SGCZ: variants seen among roughly 807,000 people sequenced by gnomAD.
SGCZ encodes the protein zeta-sarcoglycan.
A neutral mutation model predicts 41.3 loss-of-function variants in SGCZ; 40 were observed. The observed-to-expected ratio is 0.97, with a 90% confidence interval of 0.75 to 1.26. The LOEUF is 1.26. SGCZ is among the 50% of genes most tolerant of loss of function. The probability of loss-of-function intolerance (pLI) is 0.00; values close to 1 mark genes in which losing one functional copy is unlikely to be tolerated. For missense variants in SGCZ, 552 were observed against 369.8 expected (o/e 1.49, Z -4.04); for synonymous variants, 206 against 137.5 (o/e 1.50, Z -3.49).
At chr8:14,885,703 T>A (rs150293024) in intron 1 of SGCZ, among the ~76,000 whole-genome samples, 5 of 151,976 alleles carry the variant, frequency 3.3e-5, no homozygotes, top group African/African-American at 4.8e-5. Context: ...AGGACTCAAG[T>A]GATGCATGAT....
intron 2 of SGCZ, among the ~76,000 whole-genome samples, chr8:14,551,773 C>G (rs999912586): frequency 7.6e-6 from 1 of 132,202 alleles, no homozygotes; most frequent in South Asian, 2.1e-4. Context: ...AACTGGGTAT[C>G]TCAATAAGTA....
chr8:14,355,574 A>G (rs1348979569), intron 2 of SGCZ, among the ~76,000 whole-genome samples: 1 of 152,010 alleles, frequency 6.6e-6, no homozygotes, highest in African/African-American at 2.4e-5. Flanking sequence ...GTATATGCTC[A>G]TTCTGCTTGA....
chr8:15,198,165 T>C (rs1478991878), intron 1 of SGCZ, among the ~76,000 whole-genome samples: 1 of 151,392 alleles, frequency 6.6e-6, no homozygotes, highest in East Asian at 1.9e-4. Flanking sequence ...CTATAAACAT[T>C]TTAACATTGT....
intron 1 of SGCZ, among the ~76,000 whole-genome samples, chr8:14,625,043 T>A (rs6989602): frequency 0.047 from 7,215 of 152,232 alleles, 222 homozygotes; most frequent in South Asian, 0.15. Context: ...AAGGTAGTTG[T>A]TTTAATATGT....
chr8:14,289,217 G>GAT (rs1800754836), intron 3 of SGCZ, among the ~76,000 whole-genome samples: 1 of 65,330 alleles, frequency 1.5e-5, no homozygotes, highest in Admixed American at 1.6e-4. Flanking sequence ...CACATAGTAG[G>GAT]ATTTTTTTTT....
At chr8:14,454,558 G>A (rs971399729) in intron 2 of SGCZ, among the ~76,000 whole-genome samples, 1 of 152,022 alleles carries the variant, frequency 6.6e-6, no homozygotes, top group Non-Finnish European at 1.5e-5. Flanking sequence ...AGATAGTAAA[G>A]TTCATACGTA....
In SGCZ at chr8:14,799,346, TTAAA is replaced by T. The variant is rs200092717; in HGVS notation, c.40-244424_40-244421del. 8.1e-4 allele frequency among the ~76,000 whole-genome samples: 124 copies of T among 152,310 alleles called. 1 individual carries two copies. The East Asian group carries it at 0.012, about 14-fold the overall frequency. On this transcript the variant is annotated intron_variant, in intron 1 of 7. Transcript: ENST00000382080. ...GATGCATTTTGTAAAAATCAACCCT[TTAAA>T]TAAAGATTCACTTTAAGAAAAAGGC...
intron 2 of SGCZ, among the ~76,000 whole-genome samples, chr8:14,415,979 T>C (rs1275992310): frequency 6.6e-6 from 1 of 151,946 alleles, no homozygotes; most frequent in Admixed American, 6.6e-5. Flanking sequence ...TGCTTATTTA[T>C]TGTATGGTTT....
At chr8:14,847,035 G>A (rs1469241901) in intron 1 of SGCZ, among the ~76,000 whole-genome samples, 6 of 151,782 alleles carry the variant, frequency 4.0e-5, no homozygotes, top group Non-Finnish European at 8.8e-5. Flanking sequence ...TTGTGCCACT[G>A]CACTCCAGCC....
chr8:15,081,670 A>C (rs1342106838), intron 1 of SGCZ, among the ~76,000 whole-genome samples: 3 of 152,184 alleles, frequency 2.0e-5, no homozygotes, highest in African/African-American at 7.2e-5. Flanking sequence ...ACCTGTTTGT[A>C]ATTAGTGATA....
chr8:14,761,601 C>T (rs929123977), intron 1 of SGCZ, among the ~76,000 whole-genome samples: 2 of 150,950 alleles, frequency 1.3e-5, no homozygotes, highest in Non-Finnish European at 2.9e-5. Flanking sequence ...GCGTGGCTCA[C>T]TGCCACCTCC....
chr8:14,839,392 GTT>G (rs1419009449), intron 1 of SGCZ, among the ~76,000 whole-genome samples: 1 of 152,144 alleles, frequency 6.6e-6, no homozygotes, highest in African/African-American at 2.4e-5. Flanking sequence ...AAATACTCAT[GTT>G]AAGATGTCTA....
At chr8:14,194,090 G>A (rs1805192263) in intron 4 of SGCZ, among the ~76,000 whole-genome samples, 3 of 151,738 alleles carry the variant, frequency 2.0e-5, no homozygotes, top group East Asian at 1.9e-4. Flanking sequence ...AACATTCTGT[G>A]AAAAACTACT....
intron 1 of SGCZ, among the ~76,000 whole-genome samples, chr8:14,620,514 G>A (rs1806249865): frequency 6.6e-6 from 1 of 152,060 alleles, no homozygotes; most frequent in Non-Finnish European, 1.5e-5. Flanking sequence ...CCTACAGAAT[G>A]GGAGAAAATT....
At chr8:14,102,332 A>C in intron 7 of SGCZ, 44 bp downstream of exon 7, 1 of 1,362,756 alleles carries the variant, frequency 7.3e-7, no homozygotes. Flanking sequence ...TTGTGTTTTC[A>C]AAGTGGGCAG....
intron 1 of SGCZ, among the ~76,000 whole-genome samples, chr8:14,861,637 A>C (rs983691906): frequency 6.6e-6 from 1 of 152,142 alleles, no homozygotes; most frequent in Non-Finnish European, 1.5e-5. Flanking sequence ...AGATTCCGTA[A>C]AAGATAGAAA....
intron 1 of SGCZ, among the ~76,000 whole-genome samples, chr8:15,038,021 C>G (rs2130971069): frequency 6.6e-6 from 1 of 152,050 alleles, no homozygotes; most frequent in East Asian, 1.9e-4. Context: ...GTTAAAATGT[C>G]CATACTAACG....
chr8:14,989,512 A>T (rs1214577785), intron 1 of SGCZ, among the ~76,000 whole-genome samples: 1 of 152,098 alleles, frequency 6.6e-6, no homozygotes, highest in Non-Finnish European at 1.5e-5. Flanking sequence ...AAAAATAAAG[A>T]TAAGAGATTC....
chr8:14,884,831 C>T (rs1367406989), intron 1 of SGCZ, among the ~76,000 whole-genome samples: 2 of 151,680 alleles, frequency 1.3e-5, no homozygotes, highest in Non-Finnish European at 2.9e-5. Flanking sequence ...CTCTTCTTAC[C>T]CCATCTCCTT....
Sources: gnomAD v4.1 joint callset for allele counts (sites outside exome capture counted in the v4.1 genomes callset) on GRCh38, gnomAD v4.1.1 for gene constraint, MANE v1.5 for transcripts, NCBI Gene and HGNC (gene_info 2026-07-23, HGNC 2026-07-21) for gene names.